The following RAB1A variants were observed in gnomAD, a reference collection of about 807,000 sequenced individuals.
RAB1A encodes ras-related protein Rab-1A.
RAB1A carries 2 observed loss-of-function variants against 26.0 expected under a neutral mutation model. That is an observed-to-expected ratio of 0.08 (90% CI 0.03 to 0.24). The LOEUF is 0.24. Among genes scored for constraint, RAB1A ranks in the 10% least tolerant of loss-of-function variants. The pLI, the probability that RAB1A is intolerant of heterozygous loss-of-function variation, is 1.00. For missense variants in RAB1A, 100 were observed against 247.0 expected (o/e 0.40, Z 3.99); for synonymous variants, 84 against 84.9 (o/e 0.99, Z 0.06).
At chr2:65,106,544 T>C (rs1669565411) in intron 1 of RAB1A, among the ~76,000 whole-genome samples, 1 of 151,226 alleles carries the variant, frequency 6.6e-6, no homozygotes, top group African/African-American at 2.4e-5. Flanking sequence ...CAAATTACCA[T>C]ATTATACTTA....
chr2:65,126,480 C>A (rs1242836421), intron 1 of RAB1A, among the ~76,000 whole-genome samples: 2 of 151,864 alleles, frequency 1.3e-5, no homozygotes, highest in Non-Finnish European at 2.9e-5. Flanking sequence ...AATACAGCTA[C>A]CAACTCTTAT....
At chr2:65,094,359 CG>C (rs1225324816) in intron 3 of RAB1A, among the ~76,000 whole-genome samples, 2 of 152,140 alleles carry the variant, frequency 1.3e-5, no homozygotes, top group Admixed American at 6.5e-5. Flanking sequence ...CCAAGGCAGG[CG>C]GATCACCTGA....
intron 1 of RAB1A, chr2:65,106,252 C>T (rs971553240): frequency 4.8e-6 from 1 of 208,352 alleles, no homozygotes; most frequent in African/African-American, 2.4e-5. Flanking sequence ...AGGACAAAAA[C>T]CTTAGAATTT....
rs1432720764 is a variant in RAB1A at position 65,087,880 on chromosome 2, A to G, written c.*613T>C. ...ACTTATCACCATACAGTTTGATATT[A>G]CTTCCAATAAGTACAATATTTATTA... On this transcript the variant is annotated 3_prime_UTR_variant, in exon 6 of 6. Coordinates refer to ENST00000409784, the MANE Select transcript of RAB1A (RefSeq NM_004161.5). 6.5e-6 allele frequency: 1 copy of G among 152,716 alleles called. No homozygotes were observed. The highest frequency in any genetic ancestry group is 1.5e-5 in the Non-Finnish European group (1 of 68,064). The allele number at this position is 152,716 out of a possible 1,614,324, so 9.5% of individuals were successfully genotyped here. A position where few individuals can be genotyped will look rare whatever the true frequency, so the allele number is the denominator to read the frequency against.
In RAB1A at chr2:65,102,986, A is replaced by C. The variant is rs369020371; in HGVS notation, c.96+1748T>G. ...AATAAAGCAGTTAGCTCAGCTTACA[A>C]CTCAAAAAACTACAAATGCTTTTCT... is the stretch of plus-strand genomic sequence containing the variant. On this transcript the variant is annotated intron_variant, in intron 2 of 5. Transcript: ENST00000409784. 2.4e-3 allele frequency among the ~76,000 whole-genome samples: 364 copies of C among 152,028 alleles called. 5 individuals carry two copies. Among genetic ancestry groups the C allele is most frequent in the African/African-American group, 8.5e-3 (351 of 41,494 alleles).
At chr2:65,128,672 CT>C (rs1670161933) in intron 1 of RAB1A, among the ~76,000 whole-genome samples, 1 of 152,154 alleles carries the variant, frequency 6.6e-6, no homozygotes, top group African/African-American at 2.4e-5. Flanking sequence ...GTGGGTGGAC[CT>C]TTTAGGGGAA....
chr2:65,103,299 C>CCAAAAAAAAAAAA (rs1280376062), intron 2 of RAB1A, among the ~76,000 whole-genome samples: 4 of 44,106 alleles, frequency 9.1e-5, no homozygotes, highest in African/African-American at 3.1e-4. Flanking sequence ...GAATCTGTCT[C>CCAAAAAAAAAAAA]AAAAAAAAAA....
At position 65,088,591 on chromosome 2, in the gene RAB1A, T is replaced by C; in HGVS notation, c.520A>G (p.Lys174Glu). The change falls in exon 6 of 6, where the codon AAG becomes GAG. Residue 174 changes from lysine (K) to glutamate (E), a missense_variant. Lys to Glu is a moderately conservative substitution (Grantham distance 56, BLOSUM62 1). Coordinates refer to ENST00000409784, the MANE Select transcript of RAB1A (RefSeq NM_004161.5). ...GCTGTTGCTCCGGGACCCATTCGCT[T>C]TTTAATCTCAGCTGCCATCGTCATG... is the stretch of plus-strand genomic sequence containing the variant. ...SFMTMAAEIK[K>E]RMGPGATAGG... 1.2e-6 allele frequency: 2 copies of C among 1,613,780 alleles called. No individual in the cohort carries two copies. Among genetic ancestry groups the C allele is most frequent in the African/African-American group, 1.3e-5 (1 of 75,050 alleles).
chr2:65,123,429 A>G (rs1211447914), intron 1 of RAB1A, among the ~76,000 whole-genome samples: 1 of 151,978 alleles, frequency 6.6e-6, no homozygotes, highest in Non-Finnish European at 1.5e-5. Context: ...CGGCCTCCCA[A>G]AGTGCTGGGA....
chr2:65,112,137 C>A (rs1222092202), intron 1 of RAB1A, among the ~76,000 whole-genome samples: 1 of 151,044 alleles, frequency 6.6e-6, no homozygotes, highest in Non-Finnish European at 1.5e-5. Flanking sequence ...TTCAAAAATG[C>A]TAGCTCATGA....
intron 5 of RAB1A, 32 bp from the exon 6 acceptor site, chr2:65,088,722 A>C: frequency 6.5e-7 from 1 of 1,538,464 alleles, no homozygotes; most frequent in Non-Finnish European, 8.8e-7. Context: ...ATTAACACTG[A>C]AAAATCTTTT....
chr2:65,116,920 A>G (rs535022790), intron 1 of RAB1A, among the ~76,000 whole-genome samples: 1 of 152,340 alleles, frequency 6.6e-6, no homozygotes, highest in South Asian at 2.1e-4. Context: ...CATGACCTCT[A>G]AGTCTCCAAG....
At chr2:65,093,975 C>CTTT (rs57541246) in intron 3 of RAB1A, among the ~76,000 whole-genome samples, 33 of 146,500 alleles carry the variant, frequency 2.3e-4, no homozygotes, top group Admixed American at 6.1e-4. Context: ...AGACCCTCTT[C>CTTT]TTTTTTTTTT....
At chr2:65,088,899 C>T in intron 5 of RAB1A, 40 bp downstream of exon 5, 7 of 1,561,246 alleles carry the variant, frequency 4.5e-6, no homozygotes, top group Non-Finnish European at 6.1e-6. Context: ...CATAATTCAA[C>T]ACCTTCAAAT....
chr2:65,107,763 T>C (rs1194579668), intron 1 of RAB1A, among the ~76,000 whole-genome samples: 1 of 152,086 alleles, frequency 6.6e-6, no homozygotes, highest in Non-Finnish European at 1.5e-5. Context: ...CCAGTTGAAG[T>C]AAAGGACTGT....
At chr2:65,125,026 A>G (rs1670064204) in intron 1 of RAB1A, among the ~76,000 whole-genome samples, 1 of 149,198 alleles carries the variant, frequency 6.7e-6, no homozygotes. Flanking sequence ...GTTTTGTTAA[A>G]AATTATTTGA....
rs562975651 is a variant in RAB1A at position 65,121,054 on chromosome 2, G to A, written c.23+8839C>T. Among the ~76,000 whole-genome samples, 4 of 151,922 alleles carry A rather than the reference G, an allele frequency of 2.6e-5. No individual in the cohort carries two copies. The East Asian group carries it at 7.8e-4, about 29-fold the overall frequency. On this transcript the variant is annotated intron_variant, in intron 1 of 5. Coordinates refer to ENST00000409784, the MANE Select transcript of RAB1A (RefSeq NM_004161.5). ...GAGGATCACTTGAGCCCAGGTGTTC[G>A]AGACCAGCATAGGCAACATAGCGAC...
intron 1 of RAB1A, among the ~76,000 whole-genome samples, chr2:65,125,116 CTG>C (rs1375147912): frequency 6.7e-6 from 1 of 149,478 alleles, no homozygotes; most frequent in African/African-American, 2.5e-5. Context: ...GTCTGAAAGA[CTG>C]ATAACATTTT....
At chr2:65,117,225 T>C (rs1669845870) in intron 1 of RAB1A, among the ~76,000 whole-genome samples, 1 of 151,696 alleles carries the variant, frequency 6.6e-6, no homozygotes, top group Non-Finnish European at 1.5e-5. Context: ...CAACCACACC[T>C]GGCTATTTTT....
Sources: allele counts gnomAD v4.1 joint callset (sites outside exome capture counted in the v4.1 genomes callset), GRCh38; gene constraint gnomAD v4.1.1; transcripts MANE v1.5; gene names NCBI Gene and HGNC (gene_info 2026-07-23, HGNC 2026-07-21).